Variants in SLC35F4 observed in about 807,000 individuals in gnomAD.
SLC35F4 encodes chromosome 14 open reading frame 36.
SLC35F4 carries 24 observed loss-of-function variants against 44.2 expected under a neutral mutation model. The ratio of observed to expected loss-of-function variants is 0.54; its 90% CI spans 0.39 to 0.76. The LOEUF is 0.76. Ranked by LOEUF, SLC35F4 falls within the 30% of genes least tolerant of loss-of-function variation. The pLI, the probability that SLC35F4 is intolerant of heterozygous loss-of-function variation, is 0.00. For missense variants in SLC35F4, 562 were observed against 586.1 expected (o/e 0.96, Z 0.42); for synonymous variants, 238 against 223.6 (o/e 1.06, Z -0.57).
At chr14:57,825,156 C>A (rs536758273) in intron 1 of SLC35F4, among the ~76,000 whole-genome samples, 6 of 152,044 alleles carry the variant, frequency 3.9e-5, no homozygotes, top group Non-Finnish European at 8.8e-5. Flanking sequence ...TAGGCCTGAG[C>A]CTCTGGAAGG....
At chr14:57,572,059 C>G (rs1357885544) in intron 4 of SLC35F4, 40 bp from the exon 5 acceptor site, 23 of 1,586,228 alleles carry the variant, frequency 1.4e-5, no homozygotes, top group Non-Finnish European at 2.0e-5. Flanking sequence ...AGCAATGATC[C>G]CTCTGTATCC....
At chr14:57,741,040 TAACA>T (rs2076593844) in intron 1 of SLC35F4, among the ~76,000 whole-genome samples, 1 of 152,056 alleles carries the variant, frequency 6.6e-6, no homozygotes. Context: ...GAAGGAAAAC[TAACA>T]AACAGAAAGG....
intron 4 of SLC35F4, among the ~76,000 whole-genome samples, chr14:57,578,323 C>CTTTTTTTTTTTTTTTTTTTTTTTTT (rs2068952267): frequency 3.0e-5 from 1 of 33,170 alleles, no homozygotes; most frequent in African/African-American, 9.6e-5. Context: ...ATCCCTTTAA[C>CTTTTTTTTTTTTTTTTTTTTTTTTT]TGTTTTTTTT....
At chr14:57,787,090 T>G (rs2077782646) in intron 1 of SLC35F4, among the ~76,000 whole-genome samples, 1 of 152,146 alleles carries the variant, frequency 6.6e-6, no homozygotes, top group Admixed American at 6.5e-5. Flanking sequence ...CGAGAAACTT[T>G]GGATACACTC....
intron 1 of SLC35F4, among the ~76,000 whole-genome samples, chr14:57,786,535 A>G (rs767159256): frequency 3.3e-5 from 5 of 152,150 alleles, no homozygotes; most frequent in Admixed American, 6.5e-5. Flanking sequence ...TGTCATGTCC[A>G]CAGAACAGGT....
chr14:57,693,909 A>G (rs1284428333), intron 1 of SLC35F4, among the ~76,000 whole-genome samples: 1 of 152,184 alleles, frequency 6.6e-6, no homozygotes, highest in Non-Finnish European at 1.5e-5. Context: ...TATTTTCCCA[A>G]GAATTCTAAA....
intron 1 of SLC35F4, among the ~76,000 whole-genome samples, chr14:57,862,495 C>T (rs1402407158): frequency 1.3e-5 from 2 of 152,218 alleles, no homozygotes; most frequent in Admixed American, 6.5e-5. Context: ...TATCTGCACT[C>T]CTGGATCCTC....
At chr14:57,588,480 C>T (rs1199593523) in intron 3 of SLC35F4, among the ~76,000 whole-genome samples, 4 of 152,134 alleles carry the variant, frequency 2.6e-5, no homozygotes, top group Admixed American at 6.5e-5. Flanking sequence ...GCTTTTGCCT[C>T]CCTTGAGTGC....
chr14:57,620,896 A>C (rs1161616734), intron 1 of SLC35F4, among the ~76,000 whole-genome samples: 2 of 152,190 alleles, frequency 1.3e-5, no homozygotes, highest in Non-Finnish European at 2.9e-5. Flanking sequence ...GCAGATGTAC[A>C]TGATTGTACA....
chr14:57,569,703 C>G (rs922815195), intron 6 of SLC35F4, 85 bp downstream of exon 6: 1 of 1,362,728 alleles, frequency 7.3e-7, no homozygotes, highest in Non-Finnish European at 9.7e-7. Context: ...CAGAGTTACC[C>G]AAGGAAATAA....
At chr14:57,676,851 T>C (rs1333104501) in intron 1 of SLC35F4, among the ~76,000 whole-genome samples, 1 of 152,042 alleles carries the variant, frequency 6.6e-6, no homozygotes, top group Non-Finnish European at 1.5e-5. Context: ...GAAAACAGTG[T>C]GGAGATTCCT....
intron 1 of SLC35F4, among the ~76,000 whole-genome samples, chr14:57,923,568 C>T (rs1272539335): frequency 6.6e-6 from 1 of 152,194 alleles, no homozygotes; most frequent in East Asian, 1.9e-4. Context: ...TGAAGGAAAT[C>T]CAAGTATAAA....
chr14:57,912,981 CT>C (rs1860385056), intron 1 of SLC35F4, among the ~76,000 whole-genome samples: 1 of 152,110 alleles, frequency 6.6e-6, no homozygotes, highest in African/African-American at 2.4e-5. Context: ...ATTGTTATGT[CT>C]TTTTTGAGTA....
intron 1 of SLC35F4, among the ~76,000 whole-genome samples, chr14:57,863,026 TA>T (rs58740607): frequency 7.9e-5 from 12 of 151,852 alleles, no homozygotes; most frequent in Admixed American, 3.3e-4. Context: ...TCATCTTTTT[TA>T]AAAAAAATGT....
At chr14:57,619,829 A>T (rs2072075051) in intron 1 of SLC35F4, among the ~76,000 whole-genome samples, 1 of 152,168 alleles carries the variant, frequency 6.6e-6, no homozygotes, top group African/African-American at 2.4e-5. Context: ...TAGAATAACC[A>T]GTTCAGAGAA....
intron 1 of SLC35F4, among the ~76,000 whole-genome samples, chr14:57,860,557 G>A (rs1887595512): frequency 6.6e-6 from 1 of 152,076 alleles, no homozygotes; most frequent in African/African-American, 2.4e-5. Flanking sequence ...GTTGCTGGCA[G>A]GTTTAAGGAT....
intron 1 of SLC35F4, among the ~76,000 whole-genome samples, chr14:57,597,891 C>T (rs374121516): frequency 6.6e-6 from 1 of 152,150 alleles, no homozygotes; most frequent in East Asian, 1.9e-4. Context: ...AATTGAGATT[C>T]AGGCAGTATA....
intron 1 of SLC35F4, among the ~76,000 whole-genome samples, chr14:57,865,473 C>T (rs905698083): frequency 6.6e-6 from 1 of 152,206 alleles, no homozygotes; most frequent in African/African-American, 2.4e-5. Context: ...CACCTCCCCC[C>T]AAGGCTACGA....
chr14:57,939,810 A>G (rs181144269), intron 1 of SLC35F4, among the ~76,000 whole-genome samples: 47 of 152,368 alleles, frequency 3.1e-4, no homozygotes, highest in African/African-American at 1.1e-3. Flanking sequence ...TCCAAGTTAT[A>G]GAGTAAGTTA....
Sources: gnomAD v4.1 joint callset for allele counts (sites outside exome capture counted in the v4.1 genomes callset) on GRCh38, gnomAD v4.1.1 for gene constraint, MANE v1.5 for transcripts, NCBI Gene and HGNC (gene_info 2026-07-23, HGNC 2026-07-21) for gene names.